Variants in LHX4 observed in about 807,000 individuals in gnomAD.
LHX4 encodes the protein LIM homeobox 4, also known as LIM/homeobox protein Lhx4.
A neutral mutation model predicts 39.2 loss-of-function variants in LHX4; 16 were observed. That is an observed-to-expected ratio of 0.41 (90% CI 0.28 to 0.62). The LOEUF (loss-of-function observed/expected upper bound fraction) is 0.62. LHX4 is among the 20% of genes least tolerant of loss of function. The probability of loss-of-function intolerance (pLI) is 0.33; values close to 1 mark genes in which losing one functional copy is unlikely to be tolerated. For missense variants in LHX4, 439 were observed against 511.9 expected, an observed-to-expected ratio of 0.86 and a Z score of 1.37; for synonymous variants, 206 against 198.1, an observed-to-expected ratio of 1.04 and a Z score of -0.33.
In LHX4 at chr1:180,234,283, C is replaced by T. The variant is rs1391479283; in HGVS notation, c.76+3678C>T. 6.8e-6 allele frequency among the ~76,000 whole-genome samples: 1 copy of T among 147,718 alleles called. No homozygotes were observed. Among genetic ancestry groups the T allele is most frequent in the Non-Finnish European group, 1.5e-5 (1 of 66,994 alleles). Reference sequence around the variant, plus strand: ...TATAGCAGCTGTAGGCACCATAGACCTCCCTCCCTGCGTCGCGAGAATATA... The same window carrying T: ...TATAGCAGCTGTAGGCACCATAGACTTCCCTCCCTGCGTCGCGAGAATATA... On this transcript the variant is annotated intron_variant, in intron 1 of 5. Coordinates refer to ENST00000263726, the MANE Select transcript of LHX4 (RefSeq NM_033343.4). This position sits in a 1 kb window ranked among gnomAD's most constrained non-coding sequence, Gnocchi z 4.8.
chr1:180,242,317 A>T (rs1418946989), intron 1 of LHX4, among the ~76,000 whole-genome samples: 1 of 152,064 alleles, frequency 6.6e-6, no homozygotes, highest in African/African-American at 2.4e-5. Flanking sequence ...GTGAATATGC[A>T]TGTACATTTG....
intron 2 of LHX4, among the ~76,000 whole-genome samples, chr1:180,251,757 C>T (rs1002514314): frequency 6.6e-5 from 10 of 152,206 alleles, no homozygotes; most frequent in African/African-American, 9.7e-5. Flanking sequence ...CCCTTGTTCC[C>T]GGCACTGCTC....
upstream of LHX4, among the ~76,000 whole-genome samples, chr1:180,229,362 A>G (rs355614): frequency 0.44 from 66,639 of 151,920 alleles, 15,197 homozygotes; most frequent in African/African-American, 0.53. Flanking sequence ...TGGGCCCCCT[A>G]CCCTGCGGAA....
chr1:180,228,390 G>A (rs1558203907), upstream of LHX4, among the ~76,000 whole-genome samples: 1 of 152,190 alleles, frequency 6.6e-6, no homozygotes, highest in Non-Finnish European at 1.5e-5. Flanking sequence ...GCACCCAGCA[G>A]TATTGGTGAG....
chr1:180,256,033 C>A (rs576993133), intron 2 of LHX4, among the ~76,000 whole-genome samples: 6 of 152,346 alleles, frequency 3.9e-5, no homozygotes, highest in African/African-American at 1.4e-4. Context: ...TGCTGAAGAT[C>A]GGTTTCCTCT....
rs1239329012 is a variant in LHX4, at chr1:180,274,950, G to A, written c.*371G>A. Reference sequence around the variant, plus strand: ...TTGGGAACTTTGCTCCAACTGGTGTGTCTCACACAATGCCTCCCAAAACAC... The same window carrying A: ...TTGGGAACTTTGCTCCAACTGGTGTATCTCACACAATGCCTCCCAAAACAC... On this transcript the variant is annotated 3_prime_UTR_variant, in exon 6 of 6. Transcript: ENST00000263726. 1 of 194,954 alleles carries A rather than the reference G, an allele frequency of 5.1e-6. No homozygotes were observed. The highest frequency in any genetic ancestry group is 1.2e-4 in the East Asian group (1 of 8,172). The allele number at this position is 194,954 out of a possible 1,614,324, so 12.1% of individuals were successfully genotyped here.
intron 2 of LHX4, among the ~76,000 whole-genome samples, chr1:180,259,020 A>G (rs372116165): frequency 8.6e-5 from 13 of 152,040 alleles, no homozygotes; most frequent in African/African-American, 2.9e-4. Context: ...TGGACTCCAA[A>G]TCCATGTGCT....
chr1:180,266,437 A>G lies in LHX4; in HGVS notation c.294A>G (p.Pro98=), dbSNP rs1648315851. ...CGGCCTGCCAGCAGGGTATCCCCCC[A>G]ACCCAGGTGGTCCGCAAGGCCCAGG... ...KCTACQQGIP[P]TQVVRKAQDF... The change falls in exon 3 of 6, where the codon CCA becomes CCG. Residue 98 remains proline (P), a synonymous_variant. Transcript: ENST00000263726. The surrounding 1 kb of genome is among the most constrained non-coding windows in gnomAD (Gnocchi z 5.7). The G allele has an allele frequency of 1.2e-6, 2 of 1,614,180 alleles. No homozygotes were observed. The highest frequency in any genetic ancestry group is 1.7e-6 in the Non-Finnish European group (2 of 1,180,026).
At position 180,275,749 on chromosome 1, in the gene LHX4, G is replaced by C. The variant is rs1648988162; in HGVS notation, c.*1170G>C. On this transcript the variant is annotated 3_prime_UTR_variant, in exon 6 of 6. Transcript: ENST00000263726. The stretch of plus-strand genomic sequence containing the variant: ...TAAAATTGTCCAAAGGGTTCTAAGT[G>C]GTTCTTGGGCTGCATCTCTCTGGAT... The C allele has an allele frequency of 6.6e-6, 1 of 152,236 alleles. No individual in the cohort carries two copies. The highest frequency in any genetic ancestry group is 1.5e-5 in the Non-Finnish European group (1 of 68,060). The allele number at this position is 152,236 out of a possible 1,614,324, so 9.4% of individuals were successfully genotyped here. A position where few individuals can be genotyped will look rare whatever the true frequency, so the allele number is the denominator to read the frequency against.
At chr1:180,262,510 T>C (rs1200251955) in intron 2 of LHX4, among the ~76,000 whole-genome samples, 1 of 152,130 alleles carries the variant, frequency 6.6e-6, no homozygotes, top group Non-Finnish European at 1.5e-5. Context: ...GCACTGCTAA[T>C]GTAAATTTCA....
chr1:180,271,812 T>C, intron 4 of LHX4, 23 bp from the exon 5 acceptor site: 2 of 1,613,656 alleles, frequency 1.2e-6, no homozygotes, highest in Non-Finnish European at 8.5e-7. Context: ...CCCCTGAGTA[T>C]GTCCCTTGTG....
rs1487930184 is a variant in LHX4, at chr1:180,232,524, C to G, written c.76+1919C>G. On this transcript the variant is annotated intron_variant, in intron 1 of 5. Transcript: ENST00000263726. This position sits in a 1 kb window ranked among gnomAD's most constrained non-coding sequence, Gnocchi z 5.4. ...TGAGGTGTACAAAGGAACTTCCACA[C>G]CCACCCCCCCAGGGTGGCCCAGGGA... is the stretch of plus-strand genomic sequence containing the variant. Among the ~76,000 whole-genome samples, 4 of 152,178 alleles carry G rather than the reference C, an allele frequency of 2.6e-5. No individual in the cohort carries two copies. Among genetic ancestry groups the G allele is most frequent in the African/African-American group, 4.8e-5 (2 of 41,434 alleles).
chr1:180,256,855 T>C (rs1248904193), intron 2 of LHX4, among the ~76,000 whole-genome samples: 1 of 151,970 alleles, frequency 6.6e-6, no homozygotes, highest in Non-Finnish European at 1.5e-5. Context: ...CTGCGGGAAG[T>C]AAGGGAGAGG....
rs555364688 is a variant in LHX4, at chr1:180,278,918, C to T, written c.*4339C>T. ...AAGCTGGTGCGTTTGTTTGTATATG[C>T]CTCCTGTGTGTTGGCATGAGATGTG... On this transcript the variant is annotated 3_prime_UTR_variant, in exon 6 of 6. Coordinates refer to ENST00000263726, the MANE Select transcript of LHX4 (RefSeq NM_033343.4). 6.6e-6 allele frequency: 1 copy of T among 152,006 alleles called. No individual in the cohort carries two copies. The highest frequency in any genetic ancestry group is 1.5e-5 in the Non-Finnish European group (1 of 68,014). The allele number at this position is 152,006 out of a possible 1,614,324, so 9.4% of individuals were successfully genotyped here. A position where few individuals can be genotyped will look rare whatever the true frequency, so the allele number is the denominator to read the frequency against.
At chr1:180,263,513 T>A (rs1026461980) in intron 2 of LHX4, among the ~76,000 whole-genome samples, 16 of 152,104 alleles carry the variant, frequency 1.1e-4, no homozygotes, top group Non-Finnish European at 2.4e-4. Context: ...TGCGGCTCCC[T>A]CGGCAAGGGT....
chr1:180,272,208 G>A (rs1055981051), intron 5 of LHX4, among the ~76,000 whole-genome samples: 2 of 152,104 alleles, frequency 1.3e-5, no homozygotes, highest in African/African-American at 4.8e-5. Flanking sequence ...CAAGATTGCT[G>A]AGGTCTGGAA....
At chr1:180,242,718 C>T (rs1664470465) in intron 1 of LHX4, among the ~76,000 whole-genome samples, 1 of 151,964 alleles carries the variant, frequency 6.6e-6, no homozygotes, top group Non-Finnish European at 1.5e-5. Flanking sequence ...AGGGACATTA[C>T]TTTTTTGTTT....
At chr1:180,249,945 TGTGA>T (rs1318923965) in intron 2 of LHX4, among the ~76,000 whole-genome samples, 8 of 151,356 alleles carry the variant, frequency 5.3e-5, no homozygotes, top group Admixed American at 3.3e-4. Flanking sequence ...GTGAGTGTTG[TGTGA>T]GTGTGAGAGT....
At chr1:180,265,070 T>C (rs1648257479) in intron 2 of LHX4, among the ~76,000 whole-genome samples, 1 of 152,222 alleles carries the variant, frequency 6.6e-6, no homozygotes, top group Non-Finnish European at 1.5e-5. Flanking sequence ...AGACCTATCA[T>C]TCTGCATTAA....
Sources: gnomAD v4.1 joint callset for allele counts (sites outside exome capture counted in the v4.1 genomes callset) on GRCh38, gnomAD v4.1.1 for gene constraint, Gnocchi (gnomAD v3.1) non-coding constraint, MANE v1.5 for transcripts, NCBI Gene and HGNC (gene_info 2026-07-23, HGNC 2026-07-21) for gene names.